The following ST7 variants were observed in gnomAD, a reference collection of about 807,000 sequenced individuals.
ST7 encodes the protein suppression of tumorigenicity 7, also known as suppressor of tumorigenicity 7 protein.
A neutral mutation model predicts 78.7 loss-of-function variants in ST7; 28 were observed. That is an observed-to-expected ratio of 0.36 (90% CI 0.26 to 0.49). ST7 has a LOEUF of 0.49. ST7 is among the 20% of genes least tolerant of loss of function. The pLI is 0.99. For missense variants in ST7, 418 were observed against 696.0 expected, an observed-to-expected ratio of 0.60 and a Z score of 4.49; for synonymous variants, 247 against 249.6, an observed-to-expected ratio of 0.99 and a Z score of 0.10.
intron 15 of ST7, among the ~76,000 whole-genome samples, chr7:117,227,802 C>T (rs61228028): frequency 0.011 from 1,636 of 152,246 alleles, 33 homozygotes; most frequent in African/African-American, 0.037. Flanking sequence ...CCATCTATTC[C>T]GTAGGGTGGT....
At chr7:117,148,661 T>C (rs1806002774) in intron 9 of ST7, among the ~76,000 whole-genome samples, 2 of 152,246 alleles carry the variant, frequency 1.3e-5, no homozygotes, top group African/African-American at 4.8e-5. Context: ...TCCATACTTA[T>C]ATTTATGGTT....
At chr7:117,030,567 C>T (rs528236087) in intron 1 of ST7, among the ~76,000 whole-genome samples, 2 of 152,210 alleles carry the variant, frequency 1.3e-5, no homozygotes, top group Admixed American at 6.5e-5. Flanking sequence ...ATACATGCAG[C>T]CAACAAGCAT....
intron 1 of ST7, chr7:116,954,583 A>G (rs1792344613): frequency 6.6e-6 from 1 of 152,278 alleles, no homozygotes; most frequent in Admixed American, 6.5e-5. Flanking sequence ...AAACACCCGC[A>G]AAGAAAACAC....
intron 1 of ST7, among the ~76,000 whole-genome samples, chr7:117,007,879 A>G (rs1266534940): frequency 1.3e-5 from 2 of 152,218 alleles, no homozygotes; most frequent in African/African-American, 4.8e-5. Context: ...TGAAGTCTAT[A>G]GTTGCACAGG....
intron 1 of ST7, among the ~76,000 whole-genome samples, chr7:117,027,132 A>G (rs6959421): frequency 0.95 from 144,091 of 152,326 alleles, 68,698 homozygotes; most frequent in East Asian, 1. Context: ...TTAAATAAAC[A>G]TACAAATACT....
intron 2 of ST7, among the ~76,000 whole-genome samples, chr7:117,116,703 G>A (rs1035472422): frequency 6.6e-5 from 10 of 152,128 alleles, no homozygotes; most frequent in Non-Finnish European, 1.0e-4. Flanking sequence ...AGCAGGGGCT[G>A]TACTATTGCA....
intron 9 of ST7, among the ~76,000 whole-genome samples, chr7:117,155,133 CCTCT>C (rs1023583355): frequency 1.5e-4 from 23 of 151,966 alleles, no homozygotes; most frequent in Admixed American, 1.0e-3. Context: ...TCAGGAAGGG[CCTCT>C]CTAAGAGGTC....
At position 116,982,901 on chromosome 7, in the gene ST7, A is replaced by AT. The variant is rs1379350725; in HGVS notation, c.151+29211dup. On this transcript the variant is annotated intron_variant, in intron 1 of 15. Coordinates refer to ENST00000323984, the MANE Select transcript of ST7 (RefSeq NM_001369598.1). ...TCTATGCACTTTTACATGTATATAT[A>AT]TATTTTTTGTTTTTGAGATGGAGTT... Among the ~76,000 whole-genome samples the AT allele has an allele frequency of 5.2e-3, 790 of 151,784 alleles. 6 individuals carry two copies. The highest frequency in any genetic ancestry group is 0.016 in the African/African-American group (655 of 41,320).
chr7:116,972,455 G>A, intron 1 of ST7: 1 of 777,506 alleles, frequency 1.3e-6, no homozygotes, highest in South Asian at 1.6e-5. Flanking sequence ...TCTCGGCAAC[G>A]GTACTCTGCC....
In ST7 at chr7:117,127,909, C is replaced by T. The variant is rs188186693; in HGVS notation, c.395-1884C>T. ...AATTGCATCTGATATATAATAGAGT[C>T]GAAATTTTAATTGAAAACAGTTTTC... On this transcript the variant is annotated intron_variant, in intron 3 of 15. Transcript: ENST00000323984. Among the ~76,000 whole-genome samples the T allele has an allele frequency of 9.9e-5, 15 of 151,710 alleles. 1 individual carries two copies. The highest frequency in any genetic ancestry group is 9.2e-4 in the Admixed American group (14 of 15,190).
intron 9 of ST7, 138 bp downstream of exon 9, chr7:117,138,670 C>T (rs1356105502): frequency 3.7e-6 from 2 of 535,060 alleles, no homozygotes; most frequent in East Asian, 3.1e-5. Context: ...AACTCTAGTT[C>T]CCAATTTACT....
chr7:117,014,854 G>C lies in ST7; in HGVS notation c.151+61163G>C, dbSNP rs1175441293. 11 of 518,082 alleles carry C rather than the reference G, an allele frequency of 2.1e-5. No homozygotes were observed. In the East Asian group the frequency reaches 4.0e-4, roughly 19 times the overall value. 32.1% of individuals were successfully genotyped at this position (518,082 alleles called of 1,614,324 possible). A position where few individuals can be genotyped will look rare whatever the true frequency, so the allele number is the denominator to read the frequency against. On this transcript the variant is annotated intron_variant, in intron 1 of 15. Coordinates refer to ENST00000323984, the MANE Select transcript of ST7 (RefSeq NM_001369598.1). ...GAGCAGAGCCCAGCCGTTGCCGCTT[G>C]AGAGAGATAAGCAGAAGTGTGGGTG...
intron 1 of ST7, among the ~76,000 whole-genome samples, chr7:117,063,288 C>T (rs901068067): frequency 6.6e-6 from 1 of 152,032 alleles, no homozygotes; most frequent in Admixed American, 6.6e-5. Flanking sequence ...AGTTCCAATT[C>T]TTTTTTTGCT....
intron 10 of ST7, among the ~76,000 whole-genome samples, chr7:117,186,889 T>C (rs1366083599): frequency 6.6e-6 from 1 of 152,254 alleles, no homozygotes; most frequent in African/African-American, 2.4e-5. Context: ...GAACAATCTT[T>C]GTGCACATTG....
At chr7:117,030,941 G>A (rs1351186346) in intron 1 of ST7, among the ~76,000 whole-genome samples, 1 of 152,062 alleles carries the variant, frequency 6.6e-6, no homozygotes, top group Admixed American at 6.6e-5. Flanking sequence ...CAACCTAAAT[G>A]TGCATCAGAG....
intron 2 of ST7, among the ~76,000 whole-genome samples, chr7:117,105,536 C>G (rs1355477525): frequency 6.6e-6 from 1 of 152,322 alleles, no homozygotes; most frequent in Admixed American, 6.5e-5. Flanking sequence ...CTTCCTTTGG[C>G]CTCCCAAAGT....
intron 1 of ST7, among the ~76,000 whole-genome samples, chr7:117,019,792 G>C (rs1259114234): frequency 1.3e-5 from 2 of 152,154 alleles, no homozygotes; most frequent in Non-Finnish European, 2.9e-5. Flanking sequence ...TTGTGATTGA[G>C]TGTACAATCC....
chr7:117,203,035 A>G (rs1213471496), intron 12 of ST7, among the ~76,000 whole-genome samples: 1 of 152,080 alleles, frequency 6.6e-6, no homozygotes, highest in Non-Finnish European at 1.5e-5. Flanking sequence ...TGAATATTAT[A>G]TTTTCAATCC....
chr7:117,014,377 T>C (rs1795512293), intron 1 of ST7, among the ~76,000 whole-genome samples: 1 of 152,240 alleles, frequency 6.6e-6, no homozygotes, highest in South Asian at 2.1e-4. Flanking sequence ...GTAATGACCA[T>C]ATGTCCTTTC....
Sources: gnomAD v4.1 joint callset for allele counts (sites outside exome capture counted in the v4.1 genomes callset) on GRCh38, gnomAD v4.1.1 for gene constraint, MANE v1.5 for transcripts, NCBI Gene and HGNC (gene_info 2026-07-23, HGNC 2026-07-21) for gene names.